ANXA8: variants seen among roughly 807,000 people sequenced by gnomAD.
ANXA8 encodes the protein VAC-beta.
In ANXA8, 9 loss-of-function variants were observed where a neutral mutation model predicts 26.8. The observed-to-expected ratio is 0.34, with a 90% confidence interval of 0.20 to 0.59. The LOEUF (loss-of-function observed/expected upper bound fraction) is 0.59. Among genes scored for constraint, ANXA8 ranks in the 20% least tolerant of loss-of-function variants. The pLI is 0.84. For missense variants in ANXA8, 83 were observed against 238.5 expected, an observed-to-expected ratio of 0.35 and a Z score of 4.29; for synonymous variants, 39 against 94.8, an observed-to-expected ratio of 0.41 and a Z score of 3.42.
chr10:47,667,734 T>G, the ANXA8 span, among the ~76,000 whole-genome samples: 1 of 151,414 alleles, frequency 6.6e-6, no homozygotes. Context: ...TGTTTTTTTG[T>G]TTTGTTTTGT....
At chr10:47,949,757 T>TTC in the ANXA8 span, among the ~76,000 whole-genome samples, 1 of 148,100 alleles carries the variant, frequency 6.8e-6, no homozygotes, top group African/African-American at 2.5e-5. Context: ...AAGCCAGAGT[T>TTC]ATAGCTAATG....
At chr10:47,741,068 G>C in the ANXA8 span, among the ~76,000 whole-genome samples, 2 of 141,322 alleles carry the variant, frequency 1.4e-5, no homozygotes, top group Non-Finnish European at 3.1e-5. Flanking sequence ...GGAACCTCCT[G>C]GTTTTGGTTT....
the ANXA8 span, among the ~76,000 whole-genome samples, chr10:47,686,683 G>C: frequency 6.6e-6 from 1 of 151,942 alleles, no homozygotes; most frequent in Non-Finnish European, 1.5e-5. Context: ...TCTGTCTTAA[G>C]TACAAAAGAA....
At chr10:47,741,916 C>T in the ANXA8 span, among the ~76,000 whole-genome samples, 3 of 113,178 alleles carry the variant, frequency 2.7e-5, no homozygotes, top group Non-Finnish European at 3.7e-5. Context: ...TCTTGGCTCA[C>T]CGCAACCTCC....
chr10:47,955,673 G>A, the ANXA8 span, among the ~76,000 whole-genome samples: 2 of 145,490 alleles, frequency 1.4e-5, no homozygotes, highest in Non-Finnish European at 1.5e-5. Context: ...TGCAGGTCTG[G>A]AAATTGCTCT....
At chr10:47,988,913 C>G in the ANXA8 span, among the ~76,000 whole-genome samples, 1 of 151,860 alleles carries the variant, frequency 6.6e-6, no homozygotes, top group African/African-American at 2.4e-5. Context: ...AAGTTGTGCT[C>G]ATCGGTGTCC....
At chr10:47,688,730 C>A in the ANXA8 span, among the ~76,000 whole-genome samples, 1 of 150,990 alleles carries the variant, frequency 6.6e-6, no homozygotes, top group Admixed American at 6.6e-5. Context: ...CCCAAAATGA[C>A]TAATTTAAAG....
chr10:47,660,271 T>TA, the ANXA8 span, among the ~76,000 whole-genome samples: 1 of 148,936 alleles, frequency 6.7e-6, no homozygotes, highest in Admixed American at 6.7e-5. Flanking sequence ...GAGCCTGCTC[T>TA]ACTCAAAGCC....
the ANXA8 span, among the ~76,000 whole-genome samples, chr10:47,630,487 C>A: frequency 8.0e-5 from 12 of 149,310 alleles, no homozygotes; most frequent in African/African-American, 2.6e-4. Flanking sequence ...TAAAACATTT[C>A]AACTAAGAAA....
the ANXA8 span, among the ~76,000 whole-genome samples, chr10:47,570,714 C>T: frequency 2.7e-5 from 4 of 150,728 alleles, no homozygotes; most frequent in Admixed American, 1.3e-4. Context: ...TTGAGGCTAC[C>T]ATGAGCTGTG....
the ANXA8 span, among the ~76,000 whole-genome samples, chr10:47,671,142 G>T: frequency 2.1e-3 from 316 of 149,946 alleles, 1 homozygote; most frequent in African/African-American, 7.4e-3. Flanking sequence ...ATTATATTTT[G>T]CCAGGTGCAG....
the ANXA8 span, among the ~76,000 whole-genome samples, chr10:47,518,835 C>A: frequency 1.5e-5 from 2 of 129,344 alleles, 1 homozygote; most frequent in African/African-American, 6.2e-5. Context: ...GGGACTTGGG[C>A]CATGCTTTGT....
chr10:47,720,982 AC>A, the ANXA8 span, among the ~76,000 whole-genome samples: 16 of 130,380 alleles, frequency 1.2e-4, 1 homozygote, highest in Admixed American at 5.4e-4. Context: ...CCCCATCTCT[AC>A]CAAAAAAAAA....
the ANXA8 span, among the ~76,000 whole-genome samples, chr10:47,570,317 TA>T: frequency 1.0e-5 from 1 of 96,598 alleles, no homozygotes; most frequent in African/African-American, 3.8e-5. Context: ...GCCCTATCAG[TA>T]TAGTTAATAG....
the ANXA8 span, among the ~76,000 whole-genome samples, chr10:47,756,747 G>C: frequency 6.6e-6 from 1 of 152,228 alleles, no homozygotes. Flanking sequence ...CATGTGGGGT[G>C]AACCAAGGCC....
chr10:47,513,182 G>C, the ANXA8 span, among the ~76,000 whole-genome samples: 1 of 149,600 alleles, frequency 6.7e-6, no homozygotes, highest in African/African-American at 2.4e-5. Flanking sequence ...TAACAGGTGA[G>C]CGCCACCACG....
At chr10:47,677,130 A>G in the ANXA8 span, among the ~76,000 whole-genome samples, 3 of 150,888 alleles carry the variant, frequency 2.0e-5, no homozygotes, top group Non-Finnish European at 2.9e-5. Context: ...TGGACTCAAA[A>G]AACATTAAAA....
At chr10:47,945,394 C>T in the ANXA8 span, among the ~76,000 whole-genome samples, 220 of 150,900 alleles carry the variant, frequency 1.5e-3, 5 homozygotes, top group South Asian at 0.045. Context: ...TTCAGAGGGC[C>T]TTACCCTGAG....
the ANXA8 span, among the ~76,000 whole-genome samples, chr10:47,551,092 A>C: frequency 6.6e-6 from 1 of 151,630 alleles, no homozygotes; most frequent in East Asian, 2.0e-4. Context: ...TATAGAGTTG[A>C]AAATTAAACA....
Sources: allele counts gnomAD v4.1 joint callset (sites outside exome capture counted in the v4.1 genomes callset), GRCh38; gene constraint gnomAD v4.1.1; transcripts MANE v1.5; gene names NCBI Gene and HGNC (gene_info 2026-07-23, HGNC 2026-07-21).